The following TNFAIP8 variants were observed in gnomAD, a reference collection of about 807,000 sequenced individuals.
The protein encoded by TNFAIP8 is TNF alpha induced protein 8.
Under a neutral mutation model 13.3 loss-of-function variants are expected in TNFAIP8, and 7 were observed. The ratio of observed to expected loss-of-function variants is 0.52; its 90% confidence interval spans 0.30 to 0.99. TNFAIP8 has a LOEUF of 0.99. Ranked by LOEUF, TNFAIP8 falls within the 50% of genes least tolerant of loss-of-function variation. The pLI is 0.07. For missense variants in TNFAIP8, 258 were observed against 236.9 expected, an observed-to-expected ratio of 1.09 and a Z score of -0.58; for synonymous variants, 94 against 87.6, an observed-to-expected ratio of 1.07 and a Z score of -0.41.
chr5:119,319,484 A>G (rs1006918672), intron 1 of TNFAIP8, among the ~76,000 whole-genome samples: 3 of 152,168 alleles, frequency 2.0e-5, no homozygotes, highest in East Asian at 1.9e-4. Flanking sequence ...ATTTTCTCCT[A>G]TCTGAGAGTC....
chr5:119,316,814 G>T (rs539909244), intron 1 of TNFAIP8, among the ~76,000 whole-genome samples: 1 of 152,260 alleles, frequency 6.6e-6, no homozygotes, highest in Admixed American at 6.5e-5. Context: ...TGCCCTGCCC[G>T]CAAGAGACAT....
chr5:119,391,502 G>T, intron 1 of TNFAIP8: 1 of 687,588 alleles, frequency 1.5e-6, no homozygotes, highest in South Asian at 1.5e-5. Context: ...GCTCATGCCT[G>T]TAATCCCAGC....
chr5:119,300,697 T>G (rs1749361093), intron 1 of TNFAIP8, among the ~76,000 whole-genome samples: 1 of 152,228 alleles, frequency 6.6e-6, no homozygotes, highest in African/African-American at 2.4e-5. Context: ...ATAACTTGCC[T>G]GAGATCCAGC....
intron 1 of TNFAIP8, among the ~76,000 whole-genome samples, chr5:119,324,518 A>G (rs1248283019): frequency 6.6e-6 from 1 of 151,978 alleles, no homozygotes; most frequent in South Asian, 2.1e-4. Flanking sequence ...GGGAGTTTTT[A>G]TGGTTTGTTT....
At chr5:119,312,745 CAAAAA>C (rs869226026) in intron 1 of TNFAIP8, among the ~76,000 whole-genome samples, 2 of 43,356 alleles carry the variant, frequency 4.6e-5, no homozygotes, top group African/African-American at 1.6e-4. Flanking sequence ...GCAAAAAATA[CAAAAA>C]AAAAAAAAAA....
In TNFAIP8 at chr5:119,393,041, A is replaced by G. The variant is rs1752959062; in HGVS notation, c.257A>G (p.Tyr86Cys). The G allele has an allele frequency of 6.2e-7, 1 of 1,613,540 alleles. No individual in the cohort carries two copies. The highest frequency in any genetic ancestry group is 8.5e-7 in the Non-Finnish European group (1 of 1,179,742). ...ACAGTCATCAAGCTGGCCATTCTTTATAGGAATAATCAGTTTAATCAAGAT... is the reference window on the plus strand; with the variant it reads ...ACAGTCATCAAGCTGGCCATTCTTTGTAGGAATAATCAGTTTAATCAAGAT... ...IKTVIKLAIL[Y>C]RNNQFNQDEL... The change falls in exon 2 of 2, where the codon TAT becomes TGT. Residue 86 changes from tyrosine (Y) to cysteine (C), a missense_variant. Coordinates refer to ENST00000504771, the MANE Select transcript of TNFAIP8 (RefSeq NM_014350.4).
chr5:119,299,908 T>C (rs1215620438), intron 1 of TNFAIP8, among the ~76,000 whole-genome samples: 3 of 152,228 alleles, frequency 2.0e-5, no homozygotes, highest in Admixed American at 6.5e-5. Flanking sequence ...TAGGACCCTC[T>C]GAGTCAGGTG....
At chr5:119,285,649 A>C (rs1388076259) in intron 1 of TNFAIP8, among the ~76,000 whole-genome samples, 2 of 152,202 alleles carry the variant, frequency 1.3e-5, no homozygotes, top group East Asian at 3.9e-4. Context: ...TATCTTTTAC[A>C]CAAGAGAGCC....
intron 1 of TNFAIP8, among the ~76,000 whole-genome samples, chr5:119,362,747 G>A (rs920984706): frequency 3.0e-4 from 45 of 151,624 alleles, no homozygotes; most frequent in Non-Finnish European, 5.7e-4. Flanking sequence ...AGCTATGGTC[G>A]TGCCATTGCA....
intron 1 of TNFAIP8, among the ~76,000 whole-genome samples, chr5:119,390,360 C>T (rs1233185890): frequency 1.3e-5 from 2 of 151,704 alleles, no homozygotes; most frequent in African/African-American, 4.8e-5. Flanking sequence ...AAATATGGTC[C>T]CTGGTTTTAA....
chr5:119,355,856 G>T (rs1751383454), upstream of TNFAIP8: 2 of 1,110,184 alleles, frequency 1.8e-6, no homozygotes, highest in African/African-American at 3.3e-5. Flanking sequence ...CGAGCGCGCG[G>T]CTCCGGGGGC....
At chr5:119,351,475 G>A (rs556325963), upstream of TNFAIP8, among the ~76,000 whole-genome samples, 115 of 152,228 alleles carry the variant, frequency 7.6e-4, no homozygotes, top group African/African-American at 2.6e-3. Flanking sequence ...AATAGGCTTT[G>A]TACTAGATAA....
At chr5:119,316,695 A>G (rs926750112) in intron 1 of TNFAIP8, among the ~76,000 whole-genome samples, 11 of 152,208 alleles carry the variant, frequency 7.2e-5, no homozygotes, top group African/African-American at 2.7e-4. Flanking sequence ...AAAATCTCTG[A>G]GGGTGAGACT....
Position 119,356,032 on chromosome 5 carries a change from G to C in TNFAIP8, c.-59G>C. 6.5e-7 allele frequency: 1 copy of C among 1,543,476 alleles called. No individual in the cohort carries two copies. The highest frequency in any genetic ancestry group is 1.2e-5 in the South Asian group (1 of 84,090). ...GCGGATTTCGCTGCAGAGCGAACTT[G>C]CGGCTCGTCCGAGTACATGTGAGCG... On this transcript the variant is annotated 5_prime_UTR_variant, in exon 1 of 2. Transcript: ENST00000504771.
intron 1 of TNFAIP8, among the ~76,000 whole-genome samples, chr5:119,285,642 C>G (rs1294808672): frequency 1.3e-5 from 2 of 152,070 alleles, no homozygotes; most frequent in Non-Finnish European, 2.9e-5. Context: ...GCTAAATTAT[C>G]TTTTACACAA....
chr5:119,318,946 A>G (rs1321883612), intron 1 of TNFAIP8, among the ~76,000 whole-genome samples: 1 of 152,200 alleles, frequency 6.6e-6, no homozygotes, highest in East Asian at 1.9e-4. Context: ...TAAGACTAGA[A>G]GAATAACAGC....
Position 119,394,630 on chromosome 5 carries a change from T to TTTTTTTTTTTTTTTTTTTTTTGTG in TNFAIP8, c.*1249_*1250insTTTTTTTTTTTTTTTTTTTTTGTG. Reference sequence around the variant, plus strand: ...TCTATGATTTTTTTTTTTTTTTTTTTGAGTCTCGCTCTGTTGTTTAGGCTA... The same window carrying TTTTTTTTTTTTTTTTTTTTTTGTG: ...TCTATGATTTTTTTTTTTTTTTTTTTTTTTTTTTTTTTTTTTTTTTTGTGGAGTCTCGCTCTGTTGTTTAGGCTA... On this transcript the variant is annotated 3_prime_UTR_variant, in exon 2 of 2. Coordinates refer to ENST00000504771, the MANE Select transcript of TNFAIP8 (RefSeq NM_014350.4). 1 of 149,718 alleles carries TTTTTTTTTTTTTTTTTTTTTTGTG rather than the reference T, an allele frequency of 6.7e-6. No individual in the cohort carries two copies. Among genetic ancestry groups the TTTTTTTTTTTTTTTTTTTTTTGTG allele is most frequent in the African/African-American group, 2.5e-5 (1 of 40,164 alleles). 9.3% of individuals were successfully genotyped at this position (149,718 alleles called of 1,614,324 possible). A position where few individuals can be genotyped will look rare whatever the true frequency, so the allele number is the denominator to read the frequency against.
chr5:119,271,039 C>T (rs1388026182), intron 1 of TNFAIP8, among the ~76,000 whole-genome samples: 1 of 152,148 alleles, frequency 6.6e-6, no homozygotes, highest in Non-Finnish European at 1.5e-5. Flanking sequence ...GACTATATTG[C>T]TAGACATAGT....
At chr5:119,273,891 G>C (rs556213489) in intron 1 of TNFAIP8, among the ~76,000 whole-genome samples, 1 of 152,162 alleles carries the variant, frequency 6.6e-6, no homozygotes, top group Non-Finnish European at 1.5e-5. Flanking sequence ...GAGCCAAAAA[G>C]TAAGCAACAG....
Sources: gnomAD v4.1 joint callset for allele counts (sites outside exome capture counted in the v4.1 genomes callset) on GRCh38, gnomAD v4.1.1 for gene constraint, MANE v1.5 for transcripts, NCBI Gene and HGNC (gene_info 2026-07-23, HGNC 2026-07-21) for gene names.